Variants in RERE observed in about 807,000 individuals in gnomAD.
The protein encoded by RERE is arginine-glutamic acid dipeptide repeats protein.
A neutral mutation model predicts 146.1 loss-of-function variants in RERE; 40 were observed. The ratio of observed to expected loss-of-function variants is 0.27; its 90% CI spans 0.21 to 0.36. RERE has a LOEUF of 0.36. RERE is among the 10% of genes least tolerant of loss of function. The probability of loss-of-function intolerance (pLI) is 1.00; values close to 1 mark genes in which losing one functional copy is unlikely to be tolerated. For missense variants in RERE, 1,933 were observed against 2,138.7 expected, an observed-to-expected ratio of 0.90 and a Z score of 1.90; for synonymous variants, 1,003 against 866.0, an observed-to-expected ratio of 1.16 and a Z score of -2.78.
intron 1 of RERE, among the ~76,000 whole-genome samples, chr1:8,794,345 G>A (rs1420906480): frequency 8.7e-6 from 1 of 114,474 alleles, no homozygotes; most frequent in Middle Eastern, 9.4e-3. Flanking sequence ...GCAACAGAGC[G>A]AGACTCCGTC....
intron 11 of RERE, among the ~76,000 whole-genome samples, chr1:8,452,083 C>T (rs1644396935): frequency 6.6e-6 from 1 of 152,138 alleles, no homozygotes; most frequent in South Asian, 2.1e-4. Flanking sequence ...TCTTTTAGCC[C>T]TTGTTCTCCA....
Position 8,771,417 on chromosome 1 carries a change from C to T in RERE, c.-145+45743G>A, listed in dbSNP as rs146942492. Reference sequence around the variant, plus strand: ...CGCACACCTGAGGTCCCAGATACTCCGGAGGCTGAGGCAGGAGAATCGCTT... The same window carrying T: ...CGCACACCTGAGGTCCCAGATACTCTGGAGGCTGAGGCAGGAGAATCGCTT... On this transcript the variant is annotated intron_variant, in intron 1 of 22. Transcript: ENST00000400908. Among the ~76,000 whole-genome samples the T allele has an allele frequency of 3.5e-3, 525 of 151,446 alleles. 1 individual carries two copies. Among genetic ancestry groups the T allele is most frequent in the South Asian group, 0.011 (51 of 4,790 alleles).
chr1:8,487,285 TA>T lies in RERE; in HGVS notation c.1104+7777del, dbSNP rs1044339820. Among the ~76,000 whole-genome samples, 23 of 152,090 alleles carry T rather than the reference TA, an allele frequency of 1.5e-4. No homozygotes were observed. The East Asian group carries it at 4.1e-3, about 27-fold the overall frequency. ...ATATAAGAGATCATTCTAACTTGAT[TA>T]AAAAAACAAAGAAAGGCCAGGTGCA... On this transcript the variant is annotated intron_variant, in intron 10 of 22. Transcript: ENST00000400908.
chr1:8,396,226 T>A (rs892035807), intron 12 of RERE, among the ~76,000 whole-genome samples: 3 of 152,148 alleles, frequency 2.0e-5, no homozygotes, highest in Non-Finnish European at 2.9e-5. Context: ...TGGGGTCCAT[T>A]CTGGGGTCAA....
chr1:8,532,370 T>C (rs1368926930), intron 7 of RERE, among the ~76,000 whole-genome samples: 1 of 147,334 alleles, frequency 6.8e-6, no homozygotes, highest in South Asian at 2.2e-4. Flanking sequence ...CTGGTAGAAT[T>C]CACCTGTAAA....
intron 4 of RERE, among the ~76,000 whole-genome samples, chr1:8,596,621 T>C (rs1352561043): frequency 6.6e-6 from 1 of 151,988 alleles, no homozygotes; most frequent in Non-Finnish European, 1.5e-5. Flanking sequence ...AATTCTCTTG[T>C]CTGTGGCCTC....
chr1:8,528,867 A>AC (rs1372590153), intron 7 of RERE, among the ~76,000 whole-genome samples: 2 of 152,194 alleles, frequency 1.3e-5, no homozygotes, highest in Admixed American at 1.3e-4. Flanking sequence ...GTTATCTCAT[A>AC]AAGTGTATAT....
At chr1:8,556,043 G>A (rs1646003009) in intron 6 of RERE, among the ~76,000 whole-genome samples, 1 of 152,026 alleles carries the variant, frequency 6.6e-6, no homozygotes, top group Non-Finnish European at 1.5e-5. Context: ...CTTTTCTAGT[G>A]GCAGGAATTA....
intron 10 of RERE, among the ~76,000 whole-genome samples, chr1:8,482,481 A>T (rs1193077565): frequency 6.6e-6 from 1 of 152,044 alleles, no homozygotes; most frequent in East Asian, 1.9e-4. Context: ...GGAGATCAAG[A>T]CCATCCTGGC....
At chr1:8,520,440 G>T (rs1645477248) in intron 7 of RERE, among the ~76,000 whole-genome samples, 1 of 152,106 alleles carries the variant, frequency 6.6e-6, no homozygotes, top group Non-Finnish European at 1.5e-5. Flanking sequence ...CTGGTAAGAT[G>T]CAGTAAATAT....
intron 4 of RERE, among the ~76,000 whole-genome samples, chr1:8,601,086 C>A (rs1183451644): frequency 7.6e-6 from 1 of 131,400 alleles, no homozygotes; most frequent in Non-Finnish European, 1.5e-5. Flanking sequence ...GTGGTGTGAT[C>A]TTGGCTTGCT....
intron 1 of RERE, among the ~76,000 whole-genome samples, chr1:8,729,187 A>T: frequency 7.3e-6 from 1 of 136,166 alleles, no homozygotes; most frequent in South Asian, 2.5e-4. Context: ...CAATCAATCA[A>T]TCAAGTTTTA....
chr1:8,561,901 A>G (rs1646083237), intron 4 of RERE, among the ~76,000 whole-genome samples: 1 of 152,234 alleles, frequency 6.6e-6, no homozygotes, highest in South Asian at 2.1e-4. Context: ...GCCAGACGTG[A>G]ATTTAGAGAT....
chr1:8,594,673 A>T (rs1172645232), intron 4 of RERE, among the ~76,000 whole-genome samples: 1 of 152,220 alleles, frequency 6.6e-6, no homozygotes, highest in Non-Finnish European at 1.5e-5. Flanking sequence ...AATAAATAAT[A>T]ATGTTTAAGA....
At chr1:8,523,635 G>T (rs1645533688) in intron 7 of RERE, among the ~76,000 whole-genome samples, 1 of 134,994 alleles carries the variant, frequency 7.4e-6, no homozygotes, top group Non-Finnish European at 1.6e-5. Flanking sequence ...TCCCAGACAG[G>T]ATAATATAGA....
chr1:8,406,631 A>C (rs1218938325), intron 12 of RERE, among the ~76,000 whole-genome samples: 1 of 152,232 alleles, frequency 6.6e-6, no homozygotes, highest in Non-Finnish European at 1.5e-5. Context: ...TTTTAAACCA[A>C]ATGGTTTTTT....
intron 11 of RERE, among the ~76,000 whole-genome samples, chr1:8,451,260 G>A (rs1048064241): frequency 2.8e-4 from 43 of 152,020 alleles, no homozygotes; most frequent in African/African-American, 9.4e-4. Context: ...GCGAAACCCC[G>A]TCTCTACTAA....
At chr1:8,524,825 T>C (rs1645550418) in intron 7 of RERE, among the ~76,000 whole-genome samples, 1 of 152,102 alleles carries the variant, frequency 6.6e-6, no homozygotes, top group African/African-American at 2.4e-5. Context: ...TTCCCCTGGG[T>C]AGAAGAAACT....
intron 12 of RERE, among the ~76,000 whole-genome samples, chr1:8,390,988 C>T (rs987980242): frequency 1.3e-5 from 2 of 152,202 alleles, no homozygotes; most frequent in Non-Finnish European, 2.9e-5. Context: ...TCAACTGCCA[C>T]CACCCTCATC....
Sources: gnomAD v4.1 joint callset for allele counts (sites outside exome capture counted in the v4.1 genomes callset) on GRCh38, gnomAD v4.1.1 for gene constraint, MANE v1.5 for transcripts, NCBI Gene and HGNC (gene_info 2026-07-23, HGNC 2026-07-21) for gene names.